The following ZNF717 variants were observed in gnomAD, a reference collection of about 807,000 sequenced individuals.
The protein encoded by ZNF717 is zinc finger protein 717.
A neutral mutation model predicts 13.8 loss-of-function variants in ZNF717; 9 were observed. The ratio of observed to expected loss-of-function variants is 0.65; its 90% CI spans 0.39 to 1.14. ZNF717 has a LOEUF of 1.14. Among genes scored for constraint, ZNF717 ranks in the 50% most tolerant of loss-of-function variants. The pLI is 0.01. For synonymous variants in ZNF717, 327 were observed against 364.1 expected (o/e 0.90, Z 1.16); for missense variants, 1,040 against 1,080.7 (o/e 0.96, Z 0.53).
intron 2 of ZNF717, among the ~76,000 whole-genome samples, chr3:75,749,131 A>G (rs1941445953): frequency 6.6e-6 from 1 of 151,902 alleles, no homozygotes; most frequent in Non-Finnish European, 1.5e-5. Context: ...ATAGGATTCC[A>G]AAACACTGCT....
downstream of ZNF717, among the ~76,000 whole-genome samples, chr3:75,732,320 A>C (rs1194862715): frequency 2.0e-5 from 3 of 152,234 alleles, no homozygotes; most frequent in Non-Finnish European, 4.4e-5. Context: ...AAAACAGAGA[A>C]ACACATGTGA....
chr3:75,764,503 T>C (rs904668772), intron 2 of ZNF717, among the ~76,000 whole-genome samples: 5 of 152,212 alleles, frequency 3.3e-5, no homozygotes, highest in African/African-American at 1.2e-4. Context: ...TGAATGATCA[T>C]GACCCTGGCC....
Position 75,783,585 on chromosome 3 carries a change from T to C in ZNF717, c.-2-221A>G, listed in dbSNP as rs1158717849. On this transcript the variant is annotated intron_variant, in intron 1 of 4. Coordinates refer to ENST00000652011, the MANE Select transcript of ZNF717 (RefSeq NM_001290208.3). The stretch of plus-strand genomic sequence containing the variant: ...AGTACATTAATTGGTAGACATTAGA[T>C]GCACAATTTATTTTGAATAAAAATA... 3.9e-5 allele frequency among the ~76,000 whole-genome samples: 6 copies of C among 152,252 alleles called. No individual in the cohort carries two copies. The East Asian group carries it at 1.2e-3, about 29-fold the overall frequency.
At chr3:75,747,864 G>C (rs1458724823) in intron 2 of ZNF717, among the ~76,000 whole-genome samples, 105 of 77,898 alleles carry the variant, frequency 1.3e-3, no homozygotes, top group African/African-American at 3.9e-3. Context: ...GAAGGAGATA[G>C]AGACATAAAA....
intron 4 of ZNF717, among the ~76,000 whole-genome samples, chr3:75,724,636 C>A (rs1938240150): frequency 1.3e-5 from 2 of 152,150 alleles, no homozygotes; most frequent in Admixed American, 1.3e-4. Context: ...TTTTTTACTG[C>A]TTCATCAAGG....
At chr3:75,769,841 T>C (rs776955179) in intron 2 of ZNF717, among the ~76,000 whole-genome samples, 33 of 152,230 alleles carry the variant, frequency 2.2e-4, no homozygotes, top group Non-Finnish European at 4.4e-4. Flanking sequence ...AAGTGTAATA[T>C]AACCTTTAAA....
At position 75,738,045 on chromosome 3, in the gene ZNF717, C is replaced by T. The variant is rs1196277897; in HGVS notation, c.1578G>A (p.Gln526=). Residue 526 remains glutamine (Q), a synonymous_variant, in exon 5 of 5, where the codon CAG becomes CAA. Transcript: ENST00000652011. Reference sequence around the variant, plus strand: ...ATGGTTTTTCCCCAGCATGAGTTCTCTGATGGACAGTGAGGAATGACTTAC... The same window carrying T: ...ATGGTTTTTCCCCAGCATGAGTTCTTTGATGGACAGTGAGGAATGACTTAC... ...FRCKSFLTVH[Q]RTHAGEKPYA... The T allele has an allele frequency of 1.5e-6, 2 of 1,343,068 alleles. No homozygotes were observed. The highest frequency in any genetic ancestry group is 2.0e-6 in the Non-Finnish European group (2 of 1,006,598). The allele number at this position is 1,343,068 out of a possible 1,614,324, so 83.2% of individuals were successfully genotyped here.
downstream of ZNF717, among the ~76,000 whole-genome samples, chr3:75,726,244 G>C (rs1256228743): frequency 1.3e-5 from 2 of 152,276 alleles, no homozygotes; most frequent in African/African-American, 4.8e-5. Context: ...TGTGCCCTGA[G>C]AGGGAGGGCA....
chr3:75,712,979 G>A (rs1419982688), intron 5 of ZNF717, among the ~76,000 whole-genome samples: 1 of 151,568 alleles, frequency 6.6e-6, no homozygotes, highest in Non-Finnish European at 1.5e-5. Context: ...AGGCATGGTG[G>A]CTCACACCTG....
chr3:75,738,412 A>C lies in ZNF717; in HGVS notation c.1211T>G (p.Phe404Cys). Residue 404 changes from phenylalanine to cysteine, a missense_variant, in exon 5 of 5, where the codon TTT (phenylalanine) becomes TGT (cysteine). Phe to Cys is a radical substitution (Grantham distance 205). Around this residue, in one of 3 missense-constraint regions of ZNF717, gnomAD observed 873 missense variants for 832.8 expected, o/e 1.05. Transcript: ENST00000652011. ...PYQCSECGKT[F>C]SQKSYLTIHH... ...TATTGTGAGGTATGACTTCTGGCTA[A>C]AGGTTTTTCCACATTCACTACACTG... 6.5e-7 allele frequency: 1 copy of C among 1,531,942 alleles called. No individual in the cohort carries two copies. The highest frequency in any genetic ancestry group is 1.2e-5 in the South Asian group (1 of 83,010). 94.9% of individuals were successfully genotyped at this position (1,531,942 alleles called of 1,614,324 possible). A position where few individuals can be genotyped will look rare whatever the true frequency, so the allele number is the denominator to read the frequency against.
In ZNF717 at chr3:75,760,037, C is replaced by CT. The variant is rs563141421; in HGVS notation, c.58-18302dup. Among the ~76,000 whole-genome samples the CT allele has an allele frequency of 4.2e-4, 64 of 150,956 alleles. No homozygotes were observed. The East Asian group carries it at 7.0e-3, about 16-fold the overall frequency. Reference sequence around the variant, plus strand: ...ATATGTCTGAAATTTTTTCTTTCTTCTTTTTTTTTGAGACGGAGTCTCACT... The same window carrying CT: ...ATATGTCTGAAATTTTTTCTTTCTTCTTTTTTTTTTGAGACGGAGTCTCACT... On this transcript the variant is annotated intron_variant, in intron 2 of 4. Transcript: ENST00000652011.
intron 4 of ZNF717, among the ~76,000 whole-genome samples, chr3:75,739,975 C>T (rs1367865249): frequency 6.6e-6 from 1 of 152,222 alleles, no homozygotes; most frequent in Non-Finnish European, 1.5e-5. Context: ...AACATGACAT[C>T]CCCTGCTTCC....
At chr3:75,733,105 C>T (rs1938728712), downstream of ZNF717, among the ~76,000 whole-genome samples, 1 of 152,076 alleles carries the variant, frequency 6.6e-6, no homozygotes, top group Admixed American at 6.6e-5. Flanking sequence ...CTTTGATTGG[C>T]TTATTAGTAG....
chr3:75,759,727 C>A (rs112688819), intron 2 of ZNF717, among the ~76,000 whole-genome samples: 3,750 of 152,032 alleles, frequency 0.025, 91 homozygotes, highest in African/African-American at 0.084. Context: ...TACTATCACA[C>A]CTGGCTAATT....
chr3:75,727,207 G>A (rs113525565), downstream of ZNF717, among the ~76,000 whole-genome samples: 13 of 152,354 alleles, frequency 8.5e-5, no homozygotes, highest in African/African-American at 2.6e-4. Flanking sequence ...TGATGATTGC[G>A]TTAACTGTAT....
chr3:75,753,228 T>C (rs1575851131), intron 2 of ZNF717, among the ~76,000 whole-genome samples: 1 of 152,116 alleles, frequency 6.6e-6, no homozygotes, highest in Non-Finnish European at 1.5e-5. Flanking sequence ...TCACATGGGA[T>C]TCCAGAACAC....
intron 5 of ZNF717, among the ~76,000 whole-genome samples, chr3:75,714,148 C>T (rs1195957947): frequency 3.9e-5 from 6 of 152,006 alleles, no homozygotes; most frequent in Non-Finnish European, 5.9e-5. Flanking sequence ...GTCAGGCCTC[C>T]GGATAACTGC....
chr3:75,747,540 C>T (rs1289437207), intron 2 of ZNF717, among the ~76,000 whole-genome samples: 1 of 152,070 alleles, frequency 6.6e-6, no homozygotes, highest in Non-Finnish European at 1.5e-5. Flanking sequence ...TTTTGTTGAG[C>T]AGTGGTTTGC....
intron 2 of ZNF717, among the ~76,000 whole-genome samples, chr3:75,748,720 C>T (rs796171677): frequency 7.5e-4 from 114 of 152,268 alleles, no homozygotes; most frequent in African/African-American, 2.6e-3. Flanking sequence ...TCGTGACAAA[C>T]GCACAGCCAA....
Sources: gnomAD v4.1 joint callset for allele counts (sites outside exome capture counted in the v4.1 genomes callset) on GRCh38, gnomAD v4.1.1 for gene constraint, gnomAD v4.1.1 regional missense constraint, MANE v1.5 for transcripts, NCBI Gene and HGNC (gene_info 2026-07-23, HGNC 2026-07-21) for gene names.